WWOX: variants seen among roughly 807,000 people sequenced by gnomAD.
WWOX encodes the protein WW domain-containing oxidoreductase.
In WWOX, 69 loss-of-function variants were observed where a neutral mutation model predicts 46.2. The observed-to-expected ratio is 1.49, with a 90% confidence interval of 1.23 to 1.82. WWOX has a LOEUF of 1.82. WWOX is among the 40% of genes most tolerant of loss of function. The pLI is 0.00. For synonymous variants in WWOX, 359 were observed against 202.6 expected (o/e 1.77, Z -6.56); for missense variants, 919 against 542.6 (o/e 1.69, Z -6.89).
chr16:78,411,245 G>T lies in WWOX; in HGVS notation c.606-13625G>T, dbSNP rs375993998. ...AGTCATTTGGACCCTGCCTAGGACA[G>T]TGCGTTTGAGATCCATGTTATTCTA... On this transcript the variant is annotated intron_variant, in intron 6 of 8. Transcript: ENST00000566780. Among the ~76,000 whole-genome samples, 184 of 152,278 alleles carry T rather than the reference G, an allele frequency of 1.2e-3. 2 individuals carry two copies. The highest frequency in any genetic ancestry group is 4.4e-3 in the African/African-American group (181 of 41,558).
intron 8 of WWOX, among the ~76,000 whole-genome samples, chr16:78,639,739 CT>C (rs2142110263): frequency 1.3e-5 from 2 of 151,916 alleles, no homozygotes; most frequent in East Asian, 3.9e-4. Flanking sequence ...AATTTTTTGT[CT>C]TTTTTAGTAG....
intron 8 of WWOX, among the ~76,000 whole-genome samples, chr16:78,728,157 T>C (rs1325261324): frequency 1.4e-5 from 2 of 144,400 alleles, no homozygotes; most frequent in Non-Finnish European, 3.0e-5. Flanking sequence ...CTTAACCTCC[T>C]GGGTTCAAGT....
intron 8 of WWOX, among the ~76,000 whole-genome samples, chr16:78,773,421 C>T (rs1172582954): frequency 1.3e-5 from 2 of 152,176 alleles, no homozygotes; most frequent in African/African-American, 4.8e-5. Flanking sequence ...CTGCAGAGCG[C>T]AGACATTTGG....
intron 8 of WWOX, among the ~76,000 whole-genome samples, chr16:78,930,679 GA>G (rs1567657098): frequency 6.6e-6 from 1 of 150,964 alleles, no homozygotes; most frequent in Admixed American, 6.6e-5. Flanking sequence ...TAATCCTATT[GA>G]GTAAATGTAT....
intron 8 of WWOX, among the ~76,000 whole-genome samples, chr16:78,923,794 G>GT (rs56852814): frequency 0.38 from 37,659 of 99,446 alleles, 8,180 homozygotes; most frequent in South Asian, 0.43. Flanking sequence ...TTTTTAGTTA[G>GT]TTTTTTTTTT....
intron 8 of WWOX, among the ~76,000 whole-genome samples, chr16:78,738,740 G>A (rs960885785): frequency 3.9e-5 from 6 of 152,104 alleles, no homozygotes; most frequent in African/African-American, 1.2e-4. Context: ...GTGTGAATGC[G>A]AACAGAGGCT....
At chr16:78,416,659 G>C (rs1350935332) in intron 6 of WWOX, among the ~76,000 whole-genome samples, 1 of 152,168 alleles carries the variant, frequency 6.6e-6, no homozygotes, top group African/African-American at 2.4e-5. Flanking sequence ...AGACATTGTT[G>C]TTATTGAGAA....
intron 8 of WWOX, among the ~76,000 whole-genome samples, chr16:78,509,284 A>G (rs766740484): frequency 4.7e-4 from 71 of 152,182 alleles, no homozygotes; most frequent in Non-Finnish European, 8.2e-4. Context: ...ACTAAAAAAT[A>G]CAAAAGTTAG....
At chr16:78,497,745 G>T (rs908995993) in intron 8 of WWOX, among the ~76,000 whole-genome samples, 1 of 152,098 alleles carries the variant, frequency 6.6e-6, no homozygotes, top group East Asian at 1.9e-4. Flanking sequence ...GACATTACAG[G>T]GACAGTGGTT....
intron 8 of WWOX, among the ~76,000 whole-genome samples, chr16:78,740,412 G>A (rs192468405): frequency 4.1e-4 from 63 of 152,298 alleles, no homozygotes; most frequent in Non-Finnish European, 6.8e-4. Context: ...GGTTGGCAGC[G>A]TCCTTTGGCT....
Position 79,117,158 on chromosome 16 carries a change from C to T in WWOX, c.1057-94450C>T, listed in dbSNP as rs533297814. 3.9e-5 allele frequency among the ~76,000 whole-genome samples: 6 copies of T among 152,232 alleles called. No homozygotes were observed. In the East Asian group the frequency reaches 9.7e-4, roughly 25 times the overall value. ...TTCCCAGTAGCTGGGACTACAGGCACATGCCACTAGGCTGGGCTATTTTTG... is the reference window on the plus strand; with the variant it reads ...TTCCCAGTAGCTGGGACTACAGGCATATGCCACTAGGCTGGGCTATTTTTG... On this transcript the variant is annotated intron_variant, in intron 8 of 8. Transcript: ENST00000566780.
intron 8 of WWOX, among the ~76,000 whole-genome samples, chr16:78,697,552 C>A (rs4887974): frequency 0.43 from 65,750 of 151,762 alleles, 14,519 homozygotes; most frequent in Admixed American, 0.51. Context: ...CTCAAATTAG[C>A]AAGAAAAAAG....
chr16:78,311,144 C>T (rs758812504), intron 5 of WWOX, among the ~76,000 whole-genome samples: 18 of 151,764 alleles, frequency 1.2e-4, no homozygotes, highest in Admixed American at 3.3e-4. Flanking sequence ...GAAAGGGGGG[C>T]GGTGGGTGAA....
chr16:78,266,975 A>T (rs967530462), intron 5 of WWOX: 1 of 152,136 alleles, frequency 6.6e-6, no homozygotes, highest in Non-Finnish European at 1.5e-5. Context: ...AGTCTTTCCC[A>T]TGCTATTCTC....
At chr16:78,646,752 C>G (rs1388545866) in intron 8 of WWOX, among the ~76,000 whole-genome samples, 3 of 152,148 alleles carry the variant, frequency 2.0e-5, no homozygotes, top group Non-Finnish European at 4.4e-5. Context: ...TTTCAGTTTA[C>G]TTGGTTTTGC....
intron 8 of WWOX, among the ~76,000 whole-genome samples, chr16:78,750,904 C>G (rs947299224): frequency 1.3e-5 from 2 of 152,060 alleles, no homozygotes; most frequent in Admixed American, 6.6e-5. Context: ...TTGATGGGCA[C>G]TTAGGATGAT....
chr16:78,467,576 C>G (rs1390512012), intron 8 of WWOX, among the ~76,000 whole-genome samples: 1 of 152,078 alleles, frequency 6.6e-6, no homozygotes, highest in Non-Finnish European at 1.5e-5. Flanking sequence ...TGTAAAATGA[C>G]TTTGAAAACT....
At chr16:78,100,201 A>G (rs1661737616) in intron 1 of WWOX, 1 of 1,195,704 alleles carries the variant, frequency 8.4e-7, no homozygotes, top group South Asian at 2.0e-5. Context: ...AAAAGCGCAC[A>G]TGCTCAGCTC....
intron 8 of WWOX, among the ~76,000 whole-genome samples, chr16:78,964,749 A>G (rs971977193): frequency 2.6e-5 from 4 of 152,218 alleles, no homozygotes; most frequent in African/African-American, 4.8e-5. Context: ...AGCCCCTCCT[A>G]TCAGAGGCCT....
Sources: allele counts gnomAD v4.1 joint callset (sites outside exome capture counted in the v4.1 genomes callset), GRCh38; gene constraint gnomAD v4.1.1; transcripts MANE v1.5; gene names NCBI Gene and HGNC (gene_info 2026-07-23, HGNC 2026-07-21).